The following PHF24 variants were observed in gnomAD, a reference collection of about 807,000 sequenced individuals.
PHF24 encodes Galpha inhibitory interacting protein.
Under a neutral mutation model 42.6 loss-of-function variants are expected in PHF24, and 25 were observed. The observed-to-expected ratio is 0.59, with a 90% confidence interval of 0.43 to 0.82. The LOEUF (loss-of-function observed/expected upper bound fraction) is 0.82, where lower values mean the gene tolerates loss of function less well. Among genes scored for constraint, PHF24 ranks in the 40% least tolerant of loss-of-function variants. The pLI is 0.00. For synonymous variants in PHF24, 185 were observed against 204.8 expected, an observed-to-expected ratio of 0.90 and a Z score of 0.83; for missense variants, 470 against 538.1, an observed-to-expected ratio of 0.87 and a Z score of 1.25.
the PHF24 span, among the ~76,000 whole-genome samples, chr9:34,736,943 G>A: frequency 6.6e-6 from 1 of 152,090 alleles, no homozygotes. Context: ...ATGTTTTTCA[G>A]GCCACTAGGG....
At chr9:34,832,332 CAAG>C in the PHF24 span, 3 of 679,450 alleles carry the variant, frequency 4.4e-6, no homozygotes, top group Non-Finnish European at 7.7e-6. Context: ...ACAAGCCACT[CAAG>C]GACAGTGACG....
the PHF24 span, among the ~76,000 whole-genome samples, chr9:34,900,503 G>A: frequency 4.6e-5 from 7 of 152,234 alleles, no homozygotes; most frequent in Admixed American, 2.0e-4. Context: ...GGAGGCTGAG[G>A]TGGGAGGATT....
At chr9:34,906,136 G>A in the PHF24 span, among the ~76,000 whole-genome samples, 4 of 152,112 alleles carry the variant, frequency 2.6e-5, no homozygotes, top group African/African-American at 9.7e-5. Flanking sequence ...GGGGCTGTTA[G>A]TGGAAAAAAA....
the PHF24 span, among the ~76,000 whole-genome samples, chr9:34,916,270 C>T: frequency 7.2e-5 from 11 of 152,308 alleles, no homozygotes; most frequent in Admixed American, 3.3e-4. Flanking sequence ...ACTTCCCCCT[C>T]CCCACCACTT....
the PHF24 span, among the ~76,000 whole-genome samples, chr9:34,938,835 G>A: frequency 6.6e-6 from 1 of 151,326 alleles, no homozygotes; most frequent in Non-Finnish European, 1.5e-5. Flanking sequence ...TACCTGGGAG[G>A]CTGAGGCAGG....
At chr9:34,758,588 C>T in the PHF24 span, among the ~76,000 whole-genome samples, 2 of 152,068 alleles carry the variant, frequency 1.3e-5, no homozygotes, top group African/African-American at 2.4e-5. This position sits in a 1 kb window ranked among gnomAD's most constrained non-coding sequence, Gnocchi z 4.4. Flanking sequence ...GAAGATGGAG[C>T]CACAGTGCTG....
At chr9:34,806,589 G>A in the PHF24 span, among the ~76,000 whole-genome samples, 2 of 152,190 alleles carry the variant, frequency 1.3e-5, no homozygotes, top group South Asian at 4.2e-4. Flanking sequence ...CTCCTGAGTA[G>A]CCAGGATTAC....
chr9:34,790,669 C>A, the PHF24 span, among the ~76,000 whole-genome samples: 1 of 152,024 alleles, frequency 6.6e-6, no homozygotes, highest in African/African-American at 2.4e-5. Context: ...AGAAAATAAA[C>A]AAATAAACAT....
chr9:34,827,253 T>C, the PHF24 span, among the ~76,000 whole-genome samples: 1 of 152,182 alleles, frequency 6.6e-6, no homozygotes, highest in Non-Finnish European at 1.5e-5. Context: ...TTCTCCTAGC[T>C]GTGTGGCTGC....
the PHF24 span, among the ~76,000 whole-genome samples, chr9:34,909,926 C>T: frequency 3.1e-3 from 473 of 152,238 alleles, 5 homozygotes; most frequent in Middle Eastern, 0.051. Flanking sequence ...CGCGCCCAGC[C>T]GAAGAAATCC....
the PHF24 span, among the ~76,000 whole-genome samples, chr9:34,734,410 G>T: frequency 1.3e-5 from 2 of 152,216 alleles, no homozygotes; most frequent in Non-Finnish European, 2.9e-5. Context: ...ACTGGGGGTA[G>T]TGTGAGAGTC....
At chr9:34,689,617 G>A in the PHF24 span, 24 of 595,288 alleles carry the variant, frequency 4.0e-5, no homozygotes, top group Non-Finnish European at 6.6e-5. This position sits in a 1 kb window ranked among gnomAD's most constrained non-coding sequence, Gnocchi z 4.1. Context: ...GCAATCTGGG[G>A]GTGGAGCAGC....
At chr9:34,904,605 A>T in the PHF24 span, among the ~76,000 whole-genome samples, 878 of 151,406 alleles carry the variant, frequency 5.8e-3, 14 homozygotes, top group Non-Finnish European at 7.0e-3. Flanking sequence ...TCTTTTTGAT[A>T]TGTTCTTGGA....
chr9:34,706,054 G>A, the PHF24 span, among the ~76,000 whole-genome samples: 5 of 152,166 alleles, frequency 3.3e-5, no homozygotes, highest in South Asian at 1.0e-3. Context: ...TTTAAAAAGG[G>A]AAGGGCATTA....
chr9:34,925,367 A>G, the PHF24 span, among the ~76,000 whole-genome samples: 36 of 152,124 alleles, frequency 2.4e-4, no homozygotes, highest in Non-Finnish European at 4.3e-4. Context: ...CAATTCTTTG[A>G]GCTTCCTGGA....
At chr9:34,820,628 T>G in the PHF24 span, among the ~76,000 whole-genome samples, 4 of 152,160 alleles carry the variant, frequency 2.6e-5, no homozygotes, top group Non-Finnish European at 5.9e-5. Flanking sequence ...CTTTATCCAG[T>G]CTATTATTGA....
chr9:34,885,417 CT>C, the PHF24 span, among the ~76,000 whole-genome samples: 1 of 152,148 alleles, frequency 6.6e-6, no homozygotes, highest in Non-Finnish European at 1.5e-5. Flanking sequence ...CCTGGATCTC[CT>C]TAGGAACCAG....
the PHF24 span, chr9:34,917,733 C>T: frequency 1.2e-6 from 1 of 822,136 alleles, no homozygotes. Context: ...TGCTTGTATG[C>T]TGGAGTCAGG....
the PHF24 span, among the ~76,000 whole-genome samples, chr9:34,949,979 A>G: frequency 1.3e-5 from 2 of 152,124 alleles, no homozygotes; most frequent in Admixed American, 1.3e-4. Context: ...ACAAACCTGC[A>G]TGTTCAGCAC....
Sources: allele counts gnomAD v4.1 joint callset (sites outside exome capture counted in the v4.1 genomes callset), GRCh38; gene constraint gnomAD v4.1.1; non-coding constraint Gnocchi (gnomAD v3.1); transcripts MANE v1.5; gene names NCBI Gene and HGNC (gene_info 2026-07-23, HGNC 2026-07-21).